XRCC4: variants seen among roughly 807,000 people sequenced by gnomAD.
XRCC4 encodes DNA repair protein XRCC4.
In XRCC4, 28 loss-of-function variants were observed where a neutral mutation model predicts 39.1. That is an observed-to-expected ratio of 0.72 (90% CI 0.53 to 0.98). The LOEUF (loss-of-function observed/expected upper bound fraction) is 0.98, where lower values mean the gene tolerates loss of function less well. Among genes scored for constraint, XRCC4 ranks in the 50% least tolerant of loss-of-function variants. The pLI, the probability that XRCC4 is intolerant of heterozygous loss-of-function variation, is 0.00. For synonymous variants in XRCC4, 123 were observed against 126.4 expected (o/e 0.97, Z 0.18); for missense variants, 350 against 376.4 (o/e 0.93, Z 0.58).
At chr5:83,088,403 A>G (rs564447998) in intron 1 of XRCC4, among the ~76,000 whole-genome samples, 17 of 152,298 alleles carry the variant, frequency 1.1e-4, no homozygotes, top group African/African-American at 4.1e-4. Flanking sequence ...CAAAGTTTGC[A>G]CATACTGCTT....
chr5:83,109,568 A>G (rs1244651244), intron 2 of XRCC4, among the ~76,000 whole-genome samples: 1 of 152,002 alleles, frequency 6.6e-6, no homozygotes, highest in Non-Finnish European at 1.5e-5. Flanking sequence ...ACATTCCAAC[A>G]AATAACGAGA....
intron 1 of XRCC4, among the ~76,000 whole-genome samples, chr5:83,103,443 G>A (rs1000334253): frequency 7.1e-6 from 1 of 140,714 alleles, no homozygotes; most frequent in African/African-American, 2.8e-5. Flanking sequence ...GCAAGAATGT[G>A]CAGTAATCAG....
At chr5:83,176,782 T>C (rs1490365792) in intron 3 of XRCC4, among the ~76,000 whole-genome samples, 7 of 152,086 alleles carry the variant, frequency 4.6e-5, no homozygotes, top group African/African-American at 1.4e-4. Flanking sequence ...CCAGCACACC[T>C]GGCTAATTTT....
At chr5:83,164,967 T>C (rs1749390713) in intron 3 of XRCC4, among the ~76,000 whole-genome samples, 1 of 151,712 alleles carries the variant, frequency 6.6e-6, no homozygotes, top group African/African-American at 2.4e-5. Flanking sequence ...ACATGTTTAT[T>C]TTATTTTAAA....
intron 3 of XRCC4, among the ~76,000 whole-genome samples, chr5:83,137,227 A>G (rs1440707412): frequency 6.6e-6 from 1 of 152,186 alleles, no homozygotes; most frequent in Non-Finnish European, 1.5e-5. Context: ...ACTGCTAATT[A>G]AATTGGTTTA....
At chr5:83,087,611 C>T (rs925045143) in intron 1 of XRCC4, among the ~76,000 whole-genome samples, 32 of 151,220 alleles carry the variant, frequency 2.1e-4, no homozygotes, top group Admixed American at 1.8e-3. Context: ...TGCAGTGAGC[C>T]GAGATGGTGC....
intron 6 of XRCC4, among the ~76,000 whole-genome samples, chr5:83,247,205 T>C (rs1233410724): frequency 6.6e-6 from 1 of 152,184 alleles, no homozygotes; most frequent in Non-Finnish European, 1.5e-5. Context: ...GATTTGGGGC[T>C]ATTGACAAGG....
At chr5:83,296,940 C>G (rs922194874) in intron 7 of XRCC4, among the ~76,000 whole-genome samples, 2 of 151,812 alleles carry the variant, frequency 1.3e-5, no homozygotes, top group Non-Finnish European at 2.9e-5. Flanking sequence ...AGAAACAATT[C>G]GGTGCAATCT....
intron 7 of XRCC4, among the ~76,000 whole-genome samples, chr5:83,264,432 G>T (rs1753882773): frequency 6.6e-6 from 1 of 152,158 alleles, no homozygotes; most frequent in Non-Finnish European, 1.5e-5. Context: ...TATTATTAAT[G>T]TTATGAATTA....
chr5:83,224,824 T>TA (rs1314297243), intron 6 of XRCC4, among the ~76,000 whole-genome samples: 2 of 152,034 alleles, frequency 1.3e-5, no homozygotes, highest in South Asian at 2.1e-4. Context: ...TGTGGCACTT[T>TA]AAAAAAAACT....
intron 7 of XRCC4, among the ~76,000 whole-genome samples, chr5:83,279,643 T>G (rs1340891282): frequency 2.0e-5 from 3 of 152,228 alleles, no homozygotes; most frequent in East Asian, 3.8e-4. Flanking sequence ...AGTTGATAAT[T>G]AAAAGATTTA....
chr5:83,168,899 C>T (rs545286449), intron 3 of XRCC4, among the ~76,000 whole-genome samples: 2 of 152,232 alleles, frequency 1.3e-5, no homozygotes, highest in African/African-American at 2.4e-5. Flanking sequence ...AGGTTTTCAA[C>T]TCATGACATA....
At chr5:83,258,924 A>G (rs149258690) in intron 7 of XRCC4, 1 of 414,712 alleles carries the variant, frequency 2.4e-6, no homozygotes, top group African/African-American at 2.1e-5. Context: ...TAGATTAATT[A>G]GAAATGGCAT....
intron 6 of XRCC4, among the ~76,000 whole-genome samples, chr5:83,209,318 G>A (rs1453460530): frequency 1.3e-5 from 2 of 151,968 alleles, no homozygotes; most frequent in Non-Finnish European, 2.9e-5. Context: ...TAGCATTAGA[G>A]CCAAAATCTG....
At chr5:83,189,499 A>G (rs1320542458) in intron 3 of XRCC4, among the ~76,000 whole-genome samples, 2 of 152,236 alleles carry the variant, frequency 1.3e-5, no homozygotes, top group Non-Finnish European at 2.9e-5. Flanking sequence ...GTAAGATCCA[A>G]AATACATGGA....
chr5:83,222,202 T>A (rs546281180), intron 6 of XRCC4, among the ~76,000 whole-genome samples: 3 of 152,162 alleles, frequency 2.0e-5, no homozygotes, highest in African/African-American at 7.2e-5. Context: ...AGGTTAGATC[T>A]ACTAAGATTC....
At chr5:83,126,508 C>G (rs562857704) in intron 3 of XRCC4, among the ~76,000 whole-genome samples, 1 of 152,226 alleles carries the variant, frequency 6.6e-6, no homozygotes, top group South Asian at 2.1e-4. Context: ...AAGGCTGTTG[C>G]AGAGAGCTTC....
chr5:83,355,926 C>A (rs1031243419), downstream of XRCC4, among the ~76,000 whole-genome samples: 2 of 152,180 alleles, frequency 1.3e-5, no homozygotes, highest in Non-Finnish European at 2.9e-5. Context: ...GCATGAGCCA[C>A]TGCAGCCTGC....
At chr5:83,233,625 T>G (rs1289189437) in intron 6 of XRCC4, among the ~76,000 whole-genome samples, 2 of 151,704 alleles carry the variant, frequency 1.3e-5, no homozygotes, top group East Asian at 3.9e-4. Context: ...CGGTGGCTCA[T>G]GCCTGTAATC....
Sources: allele counts gnomAD v4.1 joint callset (sites outside exome capture counted in the v4.1 genomes callset), GRCh38; gene constraint gnomAD v4.1.1; transcripts MANE v1.5; gene names NCBI Gene and HGNC (gene_info 2026-07-23, HGNC 2026-07-21).